Variants in THSD4 observed in about 807,000 individuals in gnomAD.
The protein encoded by THSD4 is thrombospondin type 1 domain containing 4, also known as thrombospondin type-1 domain-containing protein 4.
In THSD4, 69 loss-of-function variants were observed where a neutral mutation model predicts 119.0. That is an observed-to-expected ratio of 0.58 (90% CI 0.48 to 0.71). The LOEUF (loss-of-function observed/expected upper bound fraction) is 0.71. Ranked by LOEUF, THSD4 falls within the 30% of genes least tolerant of loss-of-function variation. The pLI is 0.00. For missense variants in THSD4, 1,393 were observed against 1,391.1 expected (o/e 1.00, Z -0.02); for synonymous variants, 524 against 540.4 (o/e 0.97, Z 0.42).
At chr15:71,442,660 G>GTATGTATGTATGTATATATATA (rs1555414328) in intron 7 of THSD4, among the ~76,000 whole-genome samples, 2 of 25,818 alleles carry the variant, frequency 7.7e-5, no homozygotes. Flanking sequence ...GTGTGTGTGT[G>GTATGTATGTATGTATATATATA]TATATATATA....
intron 14 of THSD4, among the ~76,000 whole-genome samples, chr15:71,753,474 T>C (rs2053485307): frequency 6.6e-6 from 1 of 152,244 alleles, no homozygotes; most frequent in Non-Finnish European, 1.5e-5. Flanking sequence ...TACAGCCTTA[T>C]AGTCCCTTAG....
chr15:71,268,314 G>A (rs540694663), intron 6 of THSD4, among the ~76,000 whole-genome samples: 19 of 152,212 alleles, frequency 1.2e-4, no homozygotes, highest in South Asian at 2.1e-4. Flanking sequence ...ACTCAAAACC[G>A]CACAACTGCA....
At chr15:71,344,538 C>CT (rs1366159450) in intron 6 of THSD4, among the ~76,000 whole-genome samples, 2 of 152,126 alleles carry the variant, frequency 1.3e-5, no homozygotes, top group Non-Finnish European at 2.9e-5. Flanking sequence ...AGGGGGCTGG[C>CT]TGGGTGCCTG....
At chr15:71,544,497 T>C (rs2048807233) in intron 7 of THSD4, among the ~76,000 whole-genome samples, 1 of 151,924 alleles carries the variant, frequency 6.6e-6, no homozygotes, top group Non-Finnish European at 1.5e-5. Context: ...GTCAAAAAAG[T>C]GGAAAATAAT....
At chr15:71,388,968 G>C (rs917869617) in intron 6 of THSD4, among the ~76,000 whole-genome samples, 1 of 152,024 alleles carries the variant, frequency 6.6e-6, no homozygotes, top group Non-Finnish European at 1.5e-5. Context: ...CATGAGATTT[G>C]ATGGTTTTAT....
intron 6 of THSD4, among the ~76,000 whole-genome samples, chr15:71,319,395 C>A (rs1249878225): frequency 7.2e-6 from 1 of 139,180 alleles, no homozygotes; most frequent in African/African-American, 2.7e-5. Flanking sequence ...TCCCCCCTCC[C>A]CCTTCCCCCC....
At chr15:71,445,187 C>T (rs1454812561) in intron 7 of THSD4, among the ~76,000 whole-genome samples, 1 of 152,110 alleles carries the variant, frequency 6.6e-6, no homozygotes, top group Non-Finnish European at 1.5e-5. Flanking sequence ...TGCTGTTACT[C>T]TTGGTCCCCA....
intron 7 of THSD4, among the ~76,000 whole-genome samples, chr15:71,504,192 T>A (rs2048155915): frequency 6.6e-6 from 1 of 152,252 alleles, no homozygotes; most frequent in Admixed American, 6.5e-5. Flanking sequence ...CACTTTTCTT[T>A]ATCTTGATGA....
At chr15:71,444,512 A>G (rs1006210940) in intron 7 of THSD4, among the ~76,000 whole-genome samples, 3 of 152,214 alleles carry the variant, frequency 2.0e-5, no homozygotes, top group African/African-American at 7.2e-5. Context: ...TCTCCTGAGC[A>G]CCAGACTCAT....
intron 7 of THSD4, among the ~76,000 whole-genome samples, chr15:71,542,292 A>G (rs1324607666): frequency 6.6e-6 from 1 of 152,194 alleles, no homozygotes; most frequent in Admixed American, 6.5e-5. Flanking sequence ...TGGTTTTAAC[A>G]TATGTTGGAA....
At chr15:71,467,845 G>GTTTTTTTTTTTTTTTTTTTTT (rs34603517) in intron 7 of THSD4, among the ~76,000 whole-genome samples, 1 of 143,684 alleles carries the variant, frequency 7.0e-6, no homozygotes, top group Non-Finnish European at 1.5e-5. Flanking sequence ...AGATATGATG[G>GTTTTTTTTTTTTTTTTTTTTT]TTTTTTTTTT....
intron 6 of THSD4, among the ~76,000 whole-genome samples, chr15:71,400,792 C>T (rs2046519875): frequency 6.6e-6 from 1 of 151,252 alleles, no homozygotes; most frequent in South Asian, 2.1e-4. Context: ...GTTTACTAGG[C>T]TGCAATTCTT....
intron 7 of THSD4, among the ~76,000 whole-genome samples, chr15:71,459,599 T>C (rs1026212293): frequency 6.6e-6 from 1 of 152,186 alleles, no homozygotes; most frequent in Non-Finnish European, 1.5e-5. Context: ...TTGGTATTTT[T>C]CAGGCTACTT....
intron 7 of THSD4, among the ~76,000 whole-genome samples, chr15:71,615,552 CT>C (rs1315893185): frequency 6.6e-6 from 1 of 152,088 alleles, no homozygotes; most frequent in Non-Finnish European, 1.5e-5. Flanking sequence ...ACAGAAGCTA[CT>C]TCTTTTCCCA....
At chr15:71,140,155 A>G (rs1247381354) in intron 1 of THSD4, among the ~76,000 whole-genome samples, 1 of 152,198 alleles carries the variant, frequency 6.6e-6, no homozygotes, top group Admixed American at 6.5e-5. Context: ...ATATTAGTTC[A>G]TTTTGCATTG....
intron 6 of THSD4, among the ~76,000 whole-genome samples, chr15:71,366,202 C>A (rs1374952742): frequency 6.6e-6 from 1 of 152,040 alleles, no homozygotes; most frequent in Non-Finnish European, 1.5e-5. Flanking sequence ...GCCTCCCCAG[C>A]AGCTGGGACT....
At chr15:71,508,159 A>T (rs2140748084) in intron 7 of THSD4, among the ~76,000 whole-genome samples, 1 of 152,296 alleles carries the variant, frequency 6.6e-6, no homozygotes, top group South Asian at 2.1e-4. Flanking sequence ...GCTCATGTTG[A>T]AGCCAGCCCT....
At position 71,780,779 on chromosome 15, in the gene THSD4, C is replaced by T. The variant is rs902718339; in HGVS notation, c.*3405C>T. On this transcript the variant is annotated 3_prime_UTR_variant, in exon 18 of 18. Transcript: ENST00000261862. Reference sequence around the variant, plus strand: ...GGTTTTTTCTTTATTTTCTTATGTACTCATCTACTTATTCTCAAAGTATTT... The same window carrying T: ...GGTTTTTTCTTTATTTTCTTATGTATTCATCTACTTATTCTCAAAGTATTT... 3 of 455,834 alleles carry T rather than the reference C, an allele frequency of 6.6e-6. No homozygotes were observed. The highest frequency in any genetic ancestry group is 1.3e-5 in the Non-Finnish European group (3 of 226,720). The allele number at this position is 455,834 out of a possible 1,614,324, so 28.2% of individuals were successfully genotyped here. A position where few individuals can be genotyped will look rare whatever the true frequency, so the allele number is the denominator to read the frequency against.
chr15:71,200,739 T>C (rs2043796850), intron 3 of THSD4, among the ~76,000 whole-genome samples: 1 of 152,180 alleles, frequency 6.6e-6, no homozygotes, highest in South Asian at 2.1e-4. Flanking sequence ...ACCATCATAA[T>C]CCATTGTTAT....
Sources: gnomAD v4.1 joint callset for allele counts (sites outside exome capture counted in the v4.1 genomes callset) on GRCh38, gnomAD v4.1.1 for gene constraint, MANE v1.5 for transcripts, NCBI Gene and HGNC (gene_info 2026-07-23, HGNC 2026-07-21) for gene names.